The following RAD51B variants were observed in gnomAD, a reference collection of about 807,000 sequenced individuals.
The protein encoded by RAD51B is DNA repair protein RAD51 homolog 2.
Under a neutral mutation model 42.2 loss-of-function variants are expected in RAD51B, and 38 were observed. That is an observed-to-expected ratio of 0.90 (90% CI 0.70 to 1.18). RAD51B has a LOEUF of 1.18. RAD51B is among the 50% of genes most tolerant of loss of function. RAD51B has a pLI of 0.00. For synonymous variants in RAD51B, 154 were observed against 145.2 expected (o/e 1.06, Z -0.43); for missense variants, 373 against 400.7 (o/e 0.93, Z 0.59).
chr14:67,877,129 C>G (rs1022486450), intron 5 of RAD51B, among the ~76,000 whole-genome samples: 1 of 151,656 alleles, frequency 6.6e-6, no homozygotes, highest in Non-Finnish European at 1.5e-5. Flanking sequence ...TAGATGTGGT[C>G]CAGGGATGCT....
chr14:68,542,516 C>T (rs1041639566), intron 10 of RAD51B, among the ~76,000 whole-genome samples: 1 of 152,086 alleles, frequency 6.6e-6, no homozygotes, highest in Non-Finnish European at 1.5e-5. Flanking sequence ...ATTCATATGT[C>T]ATTGAAAGCC....
intron 7 of RAD51B, among the ~76,000 whole-genome samples, chr14:68,058,689 G>T (rs571199092): frequency 6.6e-6 from 1 of 152,064 alleles, no homozygotes; most frequent in South Asian, 2.1e-4. Context: ...GTTATGTTTT[G>T]ATTGTTAGTG....
At chr14:68,386,408 C>G (rs2083594990) in intron 8 of RAD51B, among the ~76,000 whole-genome samples, 1 of 152,220 alleles carries the variant, frequency 6.6e-6, no homozygotes, top group South Asian at 2.1e-4. Flanking sequence ...ATGACTGATA[C>G]AGATGCAGCA....
chr14:68,281,965 G>T (rs2081326778), intron 7 of RAD51B, among the ~76,000 whole-genome samples: 1 of 151,812 alleles, frequency 6.6e-6, no homozygotes, highest in Non-Finnish European at 1.5e-5. Context: ...ATCTGCCTTT[G>T]GCCAGGACAT....
chr14:68,369,066 TA>T (rs957055648), intron 8 of RAD51B, among the ~76,000 whole-genome samples: 10 of 152,110 alleles, frequency 6.6e-5, no homozygotes, highest in Non-Finnish European at 1.0e-4. Context: ...GGCTGTAGAG[TA>T]CCCAGCTCTT....
chr14:68,416,112 C>T (rs1447191693), intron 9 of RAD51B, among the ~76,000 whole-genome samples: 3 of 152,118 alleles, frequency 2.0e-5, no homozygotes, highest in Admixed American at 2.0e-4. Flanking sequence ...ATCACTCAAG[C>T]TGCTGATCCA....
intron 8 of RAD51B, among the ~76,000 whole-genome samples, chr14:68,409,333 T>C (rs1402521046): frequency 6.6e-6 from 1 of 152,108 alleles, no homozygotes; most frequent in Non-Finnish European, 1.5e-5. Flanking sequence ...TCAAGAGAAA[T>C]GGTAAAGACT....
intron 10 of RAD51B, among the ~76,000 whole-genome samples, chr14:68,510,274 C>T (rs779593170): frequency 2.0e-5 from 3 of 152,198 alleles, no homozygotes; most frequent in Non-Finnish European, 4.4e-5. Context: ...TCAGCTGCAA[C>T]CTATTAATGG....
chr14:68,201,198 G>A (rs2079478443), intron 7 of RAD51B, among the ~76,000 whole-genome samples: 1 of 152,128 alleles, frequency 6.6e-6, no homozygotes, highest in South Asian at 2.1e-4. Context: ...TTAAAAGCGT[G>A]TATGTAATTT....
chr14:68,295,776 G>A (rs1178858418), intron 8 of RAD51B, among the ~76,000 whole-genome samples: 1 of 152,108 alleles, frequency 6.6e-6, no homozygotes. Context: ...GGCTGCTCTT[G>A]GCTGCTTGTT....
chr14:68,145,020 T>C (rs2140744843), intron 7 of RAD51B, among the ~76,000 whole-genome samples: 1 of 152,352 alleles, frequency 6.6e-6, no homozygotes, highest in Admixed American at 6.5e-5. Context: ...CATTTCCTTA[T>C]TACATGCTTT....
intron 4 of RAD51B, among the ~76,000 whole-genome samples, chr14:67,850,585 A>G (rs2041771789): frequency 1.3e-5 from 2 of 152,050 alleles, no homozygotes; most frequent in African/African-American, 2.4e-5. Context: ...TACTGTGAAG[A>G]ACTCTCTGTT....
At chr14:68,531,702 C>G (rs1364499123) in intron 10 of RAD51B, among the ~76,000 whole-genome samples, 1 of 151,982 alleles carries the variant, frequency 6.6e-6, no homozygotes, top group African/African-American at 2.4e-5. Flanking sequence ...ATCCTTTACT[C>G]AAAATCCAAC....
chr14:68,650,826 T>C (rs745788807), exon 11 of RAD51B: 1 of 760,750 alleles, frequency 1.3e-6, no homozygotes, highest in Admixed American at 1.7e-5. Context: ...CAGAACAGAC[T>C]AAAAGAAAAT....
chr14:68,671,995 CA>C (rs1887427902), intron 11 of RAD51B, among the ~76,000 whole-genome samples: 1 of 152,104 alleles, frequency 6.6e-6, no homozygotes, highest in Non-Finnish European at 1.5e-5. Flanking sequence ...GTTGGGTGGA[CA>C]GTGTCCAGCA....
intron 7 of RAD51B, among the ~76,000 whole-genome samples, chr14:68,260,582 A>C (rs1401780350): frequency 2.6e-5 from 4 of 152,130 alleles, no homozygotes; most frequent in Non-Finnish European, 4.4e-5. Context: ...TAATGATGAT[A>C]AACTAGGGGG....
chr14:68,434,044 G>A (rs2085083447), intron 9 of RAD51B, among the ~76,000 whole-genome samples: 2 of 152,212 alleles, frequency 1.3e-5, no homozygotes, highest in Non-Finnish European at 2.9e-5. Context: ...TGCAGCGGAG[G>A]CTGCAGAACA....
intron 8 of RAD51B, among the ~76,000 whole-genome samples, chr14:68,293,542 C>T (rs574575849): frequency 2.0e-5 from 3 of 152,246 alleles, no homozygotes; most frequent in African/African-American, 7.2e-5. Context: ...AGCTCCTATG[C>T]CAAGTGTGCC....
At chr14:68,434,635 T>C (rs1277819517) in intron 9 of RAD51B, among the ~76,000 whole-genome samples, 1 of 152,204 alleles carries the variant, frequency 6.6e-6, no homozygotes, top group East Asian at 1.9e-4. Context: ...TTCCAGGTGC[T>C]GTCGGTCACA....
Sources: gnomAD v4.1 joint callset for allele counts (sites outside exome capture counted in the v4.1 genomes callset) on GRCh38, gnomAD v4.1.1 for gene constraint, MANE v1.5 for transcripts, NCBI Gene and HGNC (gene_info 2026-07-23, HGNC 2026-07-21) for gene names.